NELL2: variants seen among roughly 807,000 people sequenced by gnomAD.
The protein encoded by NELL2 is neural EGFL like 2.
In NELL2, 41 loss-of-function variants were observed where a neutral mutation model predicts 109.6. The observed-to-expected ratio is 0.37, with a 90% CI of 0.29 to 0.49. The LOEUF is 0.49. Among genes scored for constraint, NELL2 ranks in the 20% least tolerant of loss-of-function variants. The pLI is 0.98. For missense variants in NELL2, 900 were observed against 1,008.3 expected, an observed-to-expected ratio of 0.89 and a Z score of 1.45; for synonymous variants, 355 against 344.7, an observed-to-expected ratio of 1.03 and a Z score of -0.33.
At chr12:44,790,455 T>C (rs150518466) in intron 3 of NELL2, among the ~76,000 whole-genome samples, 2,198 of 152,094 alleles carry the variant, frequency 0.014, 51 homozygotes, top group African/African-American at 0.05. Flanking sequence ...CAAGCCAACA[T>C]TACAAGTACT....
rs11182658 is a variant in NELL2 at position 44,767,334 on chromosome 12, A to T, written c.994+7413T>A. On this transcript the variant is annotated intron_variant, in intron 9 of 19. Coordinates refer to ENST00000429094, the MANE Select transcript of NELL2 (RefSeq NM_001145108.2). ...TGGGAAAGAGAACAAAAGCCCCCCA[A>T]TGCCTTTTCTAAACACCTACTGAAA... 5.7e-4 allele frequency among the ~76,000 whole-genome samples: 87 copies of T among 152,256 alleles called. 1 individual carries two copies. In the South Asian group the frequency reaches 0.017, roughly 30 times the overall value.
At chr12:44,724,819 A>AGGG (rs1938985341) in intron 9 of NELL2, among the ~76,000 whole-genome samples, 9 of 141,984 alleles carry the variant, frequency 6.3e-5, no homozygotes, top group African/African-American at 2.1e-4. Context: ...CCTAAGGGGA[A>AGGG]AAAAAAAAAA....
chr12:44,860,467 G>C (rs773971832), intron 2 of NELL2, among the ~76,000 whole-genome samples: 2 of 152,046 alleles, frequency 1.3e-5, no homozygotes, highest in Non-Finnish European at 2.9e-5. Context: ...AGACATCAAG[G>C]TGTCAGTAGG....
chr12:44,687,123 GC>G (rs1272477287), intron 12 of NELL2, among the ~76,000 whole-genome samples: 2 of 152,212 alleles, frequency 1.3e-5, no homozygotes, highest in African/African-American at 4.8e-5. Flanking sequence ...CATTTTTTAA[GC>G]CCGTCGGAAA....
chr12:44,815,910 T>C (rs1181699790), intron 3 of NELL2, 76 bp downstream of exon 3: 1 of 1,480,724 alleles, frequency 6.8e-7, no homozygotes, highest in East Asian at 2.4e-5. Context: ...GAAGAAAGCT[T>C]TTGTTTACTT....
At chr12:44,759,563 C>A (rs1227487280) in intron 9 of NELL2, among the ~76,000 whole-genome samples, 1 of 152,150 alleles carries the variant, frequency 6.6e-6, no homozygotes, top group African/African-American at 2.4e-5. Flanking sequence ...CAAGCAAGCC[C>A]AGCATGATTG....
At chr12:44,897,033 G>A (rs147631094) in intron 1 of NELL2, among the ~76,000 whole-genome samples, 40 of 152,276 alleles carry the variant, frequency 2.6e-4, no homozygotes, top group African/African-American at 8.9e-4. Flanking sequence ...TACTAAATCT[G>A]CTGGTACTAT....
At chr12:44,751,883 G>A (rs752660922) in intron 9 of NELL2, among the ~76,000 whole-genome samples, 4 of 151,782 alleles carry the variant, frequency 2.6e-5, no homozygotes, top group Non-Finnish European at 5.9e-5. Flanking sequence ...GGATTCCCTG[G>A]GCCACATTGG....
intron 1 of NELL2, among the ~76,000 whole-genome samples, chr12:44,920,429 T>C (rs565675028): frequency 6.6e-6 from 1 of 152,194 alleles, no homozygotes; most frequent in African/African-American, 2.4e-5. Flanking sequence ...TGGAAGAAGA[T>C]GTTTTGTATT....
intron 1 of NELL2, among the ~76,000 whole-genome samples, chr12:44,885,509 A>G (rs1945460380): frequency 6.6e-6 from 1 of 151,898 alleles, no homozygotes; most frequent in Middle Eastern, 3.2e-3. Context: ...AATTAAAAAT[A>G]CAATTTAAAA....
At chr12:44,761,992 A>G (rs748883852) in intron 9 of NELL2, among the ~76,000 whole-genome samples, 1 of 152,224 alleles carries the variant, frequency 6.6e-6, no homozygotes, top group Non-Finnish European at 1.5e-5. Flanking sequence ...CAATATATCC[A>G]TGTAACAAAC....
At chr12:44,684,713 T>C (rs9739530) in intron 12 of NELL2, among the ~76,000 whole-genome samples, 8,907 of 152,268 alleles carry the variant, frequency 0.058, 864 homozygotes, top group African/African-American at 0.2. Flanking sequence ...TCAGTTTCCA[T>C]GTAGTTGAGT....
At chr12:44,640,033 G>A (rs917489572) in intron 13 of NELL2, among the ~76,000 whole-genome samples, 3 of 152,070 alleles carry the variant, frequency 2.0e-5, no homozygotes, top group Admixed American at 6.6e-5. Flanking sequence ...TTTCTCTAAT[G>A]TATATCTAAT....
At chr12:44,701,481 A>G (rs1036171769) in intron 12 of NELL2, among the ~76,000 whole-genome samples, 2 of 152,094 alleles carry the variant, frequency 1.3e-5, no homozygotes, top group African/African-American at 4.8e-5. Flanking sequence ...CTTGGTCTTT[A>G]TGATTAGGCC....
chr12:44,553,213 T>G (rs1424871365), intron 15 of NELL2, among the ~76,000 whole-genome samples: 1 of 149,472 alleles, frequency 6.7e-6, no homozygotes, highest in Non-Finnish European at 1.5e-5. Context: ...GGCACATGTA[T>G]ACATATGTAA....
intron 15 of NELL2, among the ~76,000 whole-genome samples, chr12:44,566,372 C>T (rs1311715427): frequency 3.9e-5 from 6 of 151,958 alleles, no homozygotes; most frequent in Admixed American, 2.0e-4. Context: ...TCACCTATAC[C>T]TCTAAATAAA....
intron 15 of NELL2, among the ~76,000 whole-genome samples, chr12:44,585,046 A>G (rs1386689564): frequency 1.3e-5 from 2 of 152,214 alleles, no homozygotes; most frequent in African/African-American, 2.4e-5. Context: ...CTTTCATTAA[A>G]TTAATTTTTA....
intron 9 of NELL2, among the ~76,000 whole-genome samples, chr12:44,771,863 G>A (rs1378752928): frequency 3.9e-5 from 6 of 152,174 alleles, no homozygotes; most frequent in Non-Finnish European, 8.8e-5. Flanking sequence ...AAACAACTCC[G>A]ATGAAGCAAG....
intron 2 of NELL2, among the ~76,000 whole-genome samples, chr12:44,832,100 C>CT (rs1002799011): frequency 6.6e-6 from 1 of 152,000 alleles, no homozygotes; most frequent in Non-Finnish European, 1.5e-5. Context: ...TTCCATATTG[C>CT]TTTTTTTCTT....
Sources: allele counts gnomAD v4.1 joint callset (sites outside exome capture counted in the v4.1 genomes callset), GRCh38; gene constraint gnomAD v4.1.1; transcripts MANE v1.5; gene names NCBI Gene and HGNC (gene_info 2026-07-23, HGNC 2026-07-21).